THADA: variants seen among roughly 807,000 people sequenced by gnomAD.
The protein encoded by THADA is tRNA (32-2'-O)-methyltransferase regulator THADA.
Under a neutral mutation model 219.8 loss-of-function variants are expected in THADA, and 213 were observed. The observed-to-expected ratio is 0.97, with a 90% CI of 0.87 to 1.09. The LOEUF (loss-of-function observed/expected upper bound fraction) is 1.09. Ranked by LOEUF, THADA falls within the 50% of genes least tolerant of loss-of-function variation. The pLI is 0.00. For missense variants in THADA, 2,956 were observed against 2,311.3 expected, an observed-to-expected ratio of 1.28 and a Z score of -5.72; for synonymous variants, 1,018 against 828.9, an observed-to-expected ratio of 1.23 and a Z score of -3.92.
intron 29 of THADA, among the ~76,000 whole-genome samples, chr2:43,367,685 T>C (rs115853613): frequency 1.5e-3 from 224 of 152,344 alleles, no homozygotes; most frequent in African/African-American, 5.1e-3. Context: ...GGAACAATTA[T>C]TGAGTGACGC....
At position 43,581,865 on chromosome 2, in the gene THADA, T is replaced by C; in HGVS notation, c.597A>G (p.Arg199=). ...QLMNDLLVGI[R]VSMMLVQKVQ... ...CTTTCTGTACTAACATCATTGAAAC[T>C]CTAATGCCTACCAGTAAGTCATTCA... The change falls in exon 8 of 38, where the codon AGA becomes AGG. Residue 199 remains arginine, a synonymous_variant. Coordinates refer to ENST00000405975, the MANE Select transcript of THADA (RefSeq NM_022065.5). 6.2e-7 allele frequency: 1 copy of C among 1,608,454 alleles called. No homozygotes were observed. Among genetic ancestry groups the C allele is most frequent in the Non-Finnish European group, 8.5e-7 (1 of 1,178,388 alleles).
chr2:43,340,532 T>G (rs920736641), intron 30 of THADA, among the ~76,000 whole-genome samples: 3 of 152,186 alleles, frequency 2.0e-5, no homozygotes, highest in Non-Finnish European at 4.4e-5. Context: ...CACTAGCATT[T>G]TTGTACTTAT....
intron 13 of THADA, among the ~76,000 whole-genome samples, chr2:43,571,437 A>C (rs1291305704): frequency 6.6e-6 from 1 of 151,846 alleles, no homozygotes; most frequent in African/African-American, 2.4e-5. Flanking sequence ...ATTTTAGTAG[A>C]GATGGGGTTT....
intron 36 of THADA, among the ~76,000 whole-genome samples, chr2:43,243,293 T>C (rs1668802334): frequency 6.6e-6 from 1 of 152,202 alleles, no homozygotes; most frequent in Admixed American, 6.5e-5. Flanking sequence ...CATCTGCCCG[T>C]GTCTGGAGAC....
At chr2:43,547,634 A>C (rs1423508399) in intron 20 of THADA, among the ~76,000 whole-genome samples, 2 of 152,072 alleles carry the variant, frequency 1.3e-5, no homozygotes, top group Non-Finnish European at 2.9e-5. Flanking sequence ...CATCACTGAT[A>C]CCCTTTCTTC....
At chr2:43,420,923 GCA>G (rs1677630405) in intron 28 of THADA, among the ~76,000 whole-genome samples, 1 of 152,150 alleles carries the variant, frequency 6.6e-6, no homozygotes, top group African/African-American at 2.4e-5. Flanking sequence ...AAAGTGCTAG[GCA>G]CAGTAAAAAG....
Position 43,283,026 on chromosome 2 carries a change from C to T in THADA, c.5165-3130G>A, listed in dbSNP as rs554375113. On this transcript the variant is annotated intron_variant, in intron 35 of 37. Coordinates refer to ENST00000405975, the MANE Select transcript of THADA (RefSeq NM_022065.5). ...GTGGGAGGTGAGTGAATCCTGAAGG[C>T]AGATTTCCTCCTTGCTGTTCTCATG... 9.8e-5 allele frequency among the ~76,000 whole-genome samples: 15 copies of T among 152,302 alleles called. No homozygotes were observed. The South Asian group carries it at 3.1e-3, about 32-fold the overall frequency.
chr2:43,536,032 G>C (rs1178876835), intron 21 of THADA, among the ~76,000 whole-genome samples: 1 of 152,036 alleles, frequency 6.6e-6, no homozygotes, highest in Non-Finnish European at 1.5e-5. Flanking sequence ...TTGGTTTCTT[G>C]ACCTCTTGAT....
At chr2:43,551,950 TTATAC>T (rs1558957646) in intron 18 of THADA, 25 bp from the exon 19 acceptor site, 1 of 1,586,252 alleles carries the variant, frequency 6.3e-7, no homozygotes, top group Admixed American at 1.9e-5. Context: ...TTAGGGAAAT[TTATAC>T]TAAAAGCAAA....
intron 34 of THADA, 75 bp downstream of exon 34, chr2:43,291,621 A>C: frequency 8.6e-7 from 1 of 1,164,316 alleles, no homozygotes; most frequent in Non-Finnish European, 1.2e-6. Context: ...AAGACTGTTC[A>C]CTTTTACTGA....
chr2:43,379,022 A>G (rs958088536), intron 29 of THADA, among the ~76,000 whole-genome samples: 1 of 152,224 alleles, frequency 6.6e-6, no homozygotes, highest in African/African-American at 2.4e-5. Context: ...AGTGGGATGC[A>G]AGAAAAAATA....
intron 26 of THADA, among the ~76,000 whole-genome samples, chr2:43,470,693 T>G (rs1053964133): frequency 6.6e-6 from 1 of 152,206 alleles, no homozygotes; most frequent in Non-Finnish European, 1.5e-5. Flanking sequence ...CTTTTTCATA[T>G]TCTCCATTAT....
chr2:43,545,388 T>C (rs376117598), intron 20 of THADA, among the ~76,000 whole-genome samples: 2 of 151,968 alleles, frequency 1.3e-5, no homozygotes, highest in Non-Finnish European at 2.9e-5. Context: ...GCTGGCCTCA[T>C]AAAATGAGTT....
chr2:43,531,636 C>T (rs1331545276), intron 21 of THADA, among the ~76,000 whole-genome samples: 1 of 152,096 alleles, frequency 6.6e-6, no homozygotes, highest in Non-Finnish European at 1.5e-5. Context: ...TTAATAACAA[C>T]AAAATCAGAA....
chr2:43,433,660 G>T (rs1308011191), intron 26 of THADA, among the ~76,000 whole-genome samples: 1 of 152,158 alleles, frequency 6.6e-6, no homozygotes. Context: ...CAGTAATTGT[G>T]TGTGTGTGTG....
At chr2:43,579,694 A>G (rs1700209478) in intron 8 of THADA, among the ~76,000 whole-genome samples, 1 of 152,226 alleles carries the variant, frequency 6.6e-6, no homozygotes, top group Non-Finnish European at 1.5e-5. Context: ...GAGTATCCTG[A>G]TCAAAAGTAA....
Position 43,445,144 on chromosome 2 carries a change from T to C in THADA, c.3837-14842A>G, listed in dbSNP as rs115587947. The stretch of plus-strand genomic sequence containing the variant: ...AACGGCCTGTGTCTCCTCACCACAG[T>C]GATTGCTGATAAAAACAGCAACCTC... On this transcript the variant is annotated intron_variant, in intron 26 of 37. Transcript: ENST00000405975. 7.8e-3 allele frequency among the ~76,000 whole-genome samples: 1,185 copies of C among 152,244 alleles called. 14 individuals carry two copies. The highest frequency in any genetic ancestry group is 0.027 in the African/African-American group (1,136 of 41,518).
At chr2:43,346,607 C>T (rs1463490666) in intron 29 of THADA, among the ~76,000 whole-genome samples, 1 of 152,160 alleles carries the variant, frequency 6.6e-6, no homozygotes, top group Non-Finnish European at 1.5e-5. Flanking sequence ...GATTAACTGC[C>T]AACACACATG....
intron 26 of THADA, among the ~76,000 whole-genome samples, chr2:43,433,473 G>A (rs911751651): frequency 3.3e-5 from 5 of 151,910 alleles, no homozygotes; most frequent in Non-Finnish European, 2.9e-5. Flanking sequence ...AGGTTGCAGC[G>A]AGCCAAGATC....
Sources: gnomAD v4.1 joint callset for allele counts (sites outside exome capture counted in the v4.1 genomes callset) on GRCh38, gnomAD v4.1.1 for gene constraint, MANE v1.5 for transcripts, NCBI Gene and HGNC (gene_info 2026-07-23, HGNC 2026-07-21) for gene names.